The following CFHR5 variants were observed in gnomAD, a reference collection of about 807,000 sequenced individuals.
CFHR5 encodes the protein complement factor H-related protein 5.
CFHR5 carries 73 observed loss-of-function variants against 62.9 expected under a neutral mutation model. The ratio of observed to expected loss-of-function variants is 1.16; its 90% CI spans 0.96 to 1.41. CFHR5 has a LOEUF of 1.41. Among genes scored for constraint, CFHR5 ranks in the 40% most tolerant of loss-of-function variants. CFHR5 has a pLI of 0.00. For synonymous variants in CFHR5, 249 were observed against 227.2 expected (o/e 1.10, Z -0.86); for missense variants, 779 against 679.9 (o/e 1.15, Z -1.62).
chr1:197,002,503 C>A lies in CFHR5; in HGVS notation c.1169C>A (p.Pro390Gln). Residue 390 changes from proline (P) to glutamine (Q), a missense_variant, in exon 8 of 10, where the codon CCA (proline) becomes CAA (glutamine). Physicochemically the swap from Pro to Gln is moderately conservative, Grantham distance 76. Coordinates refer to ENST00000256785, the MANE Select transcript of CFHR5 (RefSeq NM_030787.4). Reference protein sequence around the residue: ...DCTEKREQFCPPPPQIPNAQN... With the variant: ...DCTEKREQFCQPPPQIPNAQN... ...GTAGAAAAAAGGGAACAATTCTGCC[C>A]ACCGCCACCTCAGATACCTAATGCT... is the stretch of plus-strand genomic sequence containing the variant. The A allele has an allele frequency of 1.2e-6, 2 of 1,613,120 alleles. No individual in the cohort carries two copies. The highest frequency in any genetic ancestry group is 1.7e-4 in the Middle Eastern group (1 of 6,050).
intron 7 of CFHR5, among the ~76,000 whole-genome samples, chr1:196,999,845 T>C (rs1267250255): frequency 6.7e-6 from 1 of 148,756 alleles, no homozygotes; most frequent in East Asian, 2.0e-4. Flanking sequence ...ATAATATATA[T>C]GTATATCCTA....
chr1:196,986,611 A>T (rs1477456601), intron 3 of CFHR5, among the ~76,000 whole-genome samples: 1 of 151,994 alleles, frequency 6.6e-6, no homozygotes, highest in Non-Finnish European at 1.5e-5. Flanking sequence ...GAGTGAGAAC[A>T]TGCAGTGTTT....
intron 3 of CFHR5, among the ~76,000 whole-genome samples, chr1:196,987,952 C>T (rs1217451222): frequency 6.6e-6 from 1 of 152,120 alleles, no homozygotes; most frequent in Non-Finnish European, 1.5e-5. Context: ...CTATAAATTA[C>T]CTTGGGCAGT....
Position 196,994,140 on chromosome 1 carries a change from G to C in CFHR5, c.491G>C (p.Ser164Thr). The stretch of plus-strand genomic sequence containing the variant: ...GTAGATGCTCAGCCAAAAAAAGAAA[G>C]CTACAAAGTTGGAGACGTGTTGAAA... The part of the protein sequence containing the change: ...ANVDAQPKKE[S>T]YKVGDVLKFS... Residue 164 changes from serine to threonine, a missense_variant, in exon 4 of 10, where the codon AGC becomes ACC. Coordinates refer to ENST00000256785, the MANE Select transcript of CFHR5 (RefSeq NM_030787.4). 1.2e-6 allele frequency: 2 copies of C among 1,613,498 alleles called. No individual in the cohort carries two copies. Among genetic ancestry groups the C allele is most frequent in the Non-Finnish European group, 1.7e-6 (2 of 1,179,702 alleles).
intron 4 of CFHR5, among the ~76,000 whole-genome samples, 185 bp from the exon 5 acceptor site, chr1:196,995,531 GA>G (rs1653964954): frequency 6.6e-6 from 1 of 152,020 alleles, no homozygotes; most frequent in Non-Finnish European, 1.5e-5. Context: ...TGTTCATCAT[GA>G]AAAGTGTCAA....
At chr1:196,987,664 A>G (rs1183244311) in intron 3 of CFHR5, among the ~76,000 whole-genome samples, 2 of 151,974 alleles carry the variant, frequency 1.3e-5, no homozygotes, top group East Asian at 1.9e-4. Context: ...TCAAAGATCA[A>G]ATGGTTGTAG....
intron 8 of CFHR5, 64 bp from the exon 9 acceptor site, chr1:197,004,597 T>C (rs1654235707): frequency 4.1e-6 from 5 of 1,218,692 alleles, no homozygotes; most frequent in Non-Finnish European, 6.1e-6. Flanking sequence ...TGATACATGA[T>C]GCTTCATTAT....
chr1:196,999,760 T>TAC (rs1176756088), intron 7 of CFHR5, among the ~76,000 whole-genome samples: 16 of 143,624 alleles, frequency 1.1e-4, no homozygotes, highest in Non-Finnish European at 2.1e-4. Context: ...CATATGTATA[T>TAC]ACACACACAC....
At chr1:197,005,484 T>C (rs1403705792) in intron 9 of CFHR5, among the ~76,000 whole-genome samples, 2 of 152,166 alleles carry the variant, frequency 1.3e-5, no homozygotes, top group African/African-American at 4.8e-5. Flanking sequence ...CATCGTAGAC[T>C]CCTTATGAAA....
At position 197,008,737 on chromosome 1, in the gene CFHR5, T is replaced by C. The variant is rs1654360861; in HGVS notation, c.*54T>C. The C allele has an allele frequency of 6.9e-7, 1 of 1,443,792 alleles. No homozygotes were observed. Among genetic ancestry groups the C allele is most frequent in the East Asian group, 2.3e-5 (1 of 43,888 alleles). 89.4% of individuals were successfully genotyped at this position (1,443,792 alleles called of 1,614,324 possible). A position where few individuals can be genotyped will look rare whatever the true frequency, so the allele number is the denominator to read the frequency against. ...TTCAAACATCCATCTATGCTAAAAG[T>C]AGCCATTATGTAGCCAATTCTGTAG... On this transcript the variant is annotated 3_prime_UTR_variant, in exon 10 of 10. Transcript: ENST00000256785.
chr1:197,004,909 T>C, intron 9 of CFHR5, 66 bp downstream of exon 9: 1 of 1,197,384 alleles, frequency 8.4e-7, no homozygotes. Flanking sequence ...TTTGGACTAA[T>C]TTCATAGAAT....
intron 7 of CFHR5, among the ~76,000 whole-genome samples, chr1:196,999,315 A>T (rs1654072054): frequency 6.6e-6 from 1 of 151,794 alleles, no homozygotes; most frequent in Non-Finnish European, 1.5e-5. Flanking sequence ...CTATTTGAGG[A>T]AGAGAAATAT....
In CFHR5 at chr1:196,993,974, T is replaced by A. The variant is rs981702031; in HGVS notation, c.431-106T>A. 7 of 851,270 alleles carry A rather than the reference T, an allele frequency of 8.2e-6. No homozygotes were observed. The African/African-American group carries it at 1.2e-4, about 15-fold the overall frequency. The allele number at this position is 851,270 out of a possible 1,614,324, so 52.7% of individuals were successfully genotyped here. On this transcript the variant is annotated intron_variant, in intron 3 of 9. Transcript: ENST00000256785. ...TGTTTTCTCGAAGGCAAGAATATAT[T>A]TTATACTCTGTATATGAAGCCCCTT... is the stretch of plus-strand genomic sequence containing the variant.
chr1:196,976,406 T>G (rs770296208), upstream of CFHR5, among the ~76,000 whole-genome samples: 1 of 152,290 alleles, frequency 6.6e-6, no homozygotes, highest in African/African-American at 2.4e-5. Context: ...TCCTCGGGCA[T>G]GGACCTTTCC....
At chr1:196,993,947 T>C in intron 3 of CFHR5, 133 bp from the exon 4 acceptor site, 2 of 712,324 alleles carry the variant, frequency 2.8e-6, no homozygotes, top group East Asian at 5.4e-5. Context: ...AATTAGTCTA[T>C]ATGTTTTCTC....
intron 3 of CFHR5, among the ~76,000 whole-genome samples, chr1:196,988,345 A>G (rs1256201686): frequency 6.6e-6 from 1 of 152,086 alleles, no homozygotes; most frequent in Non-Finnish European, 1.5e-5. Context: ...TCTTTTCCTA[A>G]TTGAATACCC....
chr1:196,975,421 G>T (rs1653374782), upstream of CFHR5, among the ~76,000 whole-genome samples: 4 of 152,254 alleles, frequency 2.6e-5, no homozygotes, highest in South Asian at 6.2e-4. Context: ...AAATAATTTG[G>T]AAAATGGAGA....
chr1:196,993,814 T>A (rs1461142595), intron 3 of CFHR5, among the ~76,000 whole-genome samples: 1 of 152,152 alleles, frequency 6.6e-6, no homozygotes, highest in Non-Finnish European at 1.5e-5. Flanking sequence ...ATTTACTGTA[T>A]GAGTAACTTC....
At chr1:196,997,930 T>C (rs185499929) in intron 6 of CFHR5, among the ~76,000 whole-genome samples, 198 bp from the exon 7 acceptor site, 62 of 152,300 alleles carry the variant, frequency 4.1e-4, no homozygotes, top group Non-Finnish European at 6.5e-4. Flanking sequence ...TCTGACCTAC[T>C]TTCCTGTCAT....
Sources: gnomAD v4.1 joint callset for allele counts (sites outside exome capture counted in the v4.1 genomes callset) on GRCh38, gnomAD v4.1.1 for gene constraint, MANE v1.5 for transcripts, NCBI Gene and HGNC (gene_info 2026-07-23, HGNC 2026-07-21) for gene names.